Variants in EPC1 observed in about 807,000 individuals in gnomAD.
EPC1 encodes the protein enhancer of polycomb homolog 1.
Under a neutral mutation model 98.4 loss-of-function variants are expected in EPC1, and 12 were observed. That is an observed-to-expected ratio of 0.12 (90% CI 0.08 to 0.20). The LOEUF is 0.20. EPC1 is among the 10% of genes least tolerant of loss of function. The probability of loss-of-function intolerance (pLI) is 1.00; values close to 1 mark genes in which losing one functional copy is unlikely to be tolerated. For missense variants in EPC1, 729 were observed against 990.5 expected (o/e 0.74, Z 3.54); for synonymous variants, 357 against 363.9 (o/e 0.98, Z 0.21).
chr10:32,352,042 A>ATTTT (rs35657158), upstream of EPC1, among the ~76,000 whole-genome samples: 1 of 93,454 alleles, frequency 1.1e-5, no homozygotes, highest in African/African-American at 4.2e-5. Flanking sequence ...AGCCATATTG[A>ATTTT]TTTTTTTTTT....
intron 1 of EPC1, among the ~76,000 whole-genome samples, chr10:32,311,123 AC>A (rs1836193019): frequency 6.6e-6 from 1 of 152,230 alleles, no homozygotes; most frequent in African/African-American, 2.4e-5. Context: ...ATCCTGGCTA[AC>A]ACGGTGAAAC....
chr10:32,301,239 C>G (rs1403748605), intron 2 of EPC1, among the ~76,000 whole-genome samples: 1 of 152,058 alleles, frequency 6.6e-6, no homozygotes, highest in Non-Finnish European at 1.5e-5. Context: ...TGTGCAGGAT[C>G]TGTATAATGA....
In EPC1 at chr10:32,331,839, G is replaced by A. The variant is rs998553985; in HGVS notation, c.153+14924C>T. On this transcript the variant is annotated intron_variant, in intron 1 of 13. Transcript: ENST00000319778. ...ATGATGTACAAGTAGCCTAAGCACA[G>A]CATTTCACAAAACATTTTGGGGGAG... is the stretch of plus-strand genomic sequence containing the variant. Among the ~76,000 whole-genome samples the A allele has an allele frequency of 4.6e-5, 7 of 152,308 alleles. No homozygotes were observed. The South Asian group carries it at 1.5e-3, about 32-fold the overall frequency.
chr10:32,276,076 A>G (rs542517270), intron 10 of EPC1, among the ~76,000 whole-genome samples: 2 of 152,354 alleles, frequency 1.3e-5, no homozygotes, highest in South Asian at 4.1e-4. Context: ...TGCACAGAGC[A>G]ACCCTTAAGC....
chr10:32,312,095 G>A (rs1464957660), intron 1 of EPC1, among the ~76,000 whole-genome samples: 1 of 152,208 alleles, frequency 6.6e-6, no homozygotes, highest in East Asian at 1.9e-4. Flanking sequence ...CTGAGACGAG[G>A]AGACCACACA....
At chr10:32,368,728 C>T (rs2505362) in intron 1 of EPC1, among the ~76,000 whole-genome samples, 2 of 151,926 alleles carry the variant, frequency 1.3e-5, no homozygotes, top group South Asian at 2.1e-4. Context: ...CACCTGAATG[C>T]GGTAATCTTT....
chr10:32,360,529 G>A (rs1352675987), intron 1 of EPC1, among the ~76,000 whole-genome samples: 1 of 152,168 alleles, frequency 6.6e-6, no homozygotes, highest in African/African-American at 2.4e-5. Flanking sequence ...AAGGAACACG[G>A]GTTTCCATAT....
chr10:32,298,186 T>C (rs565539468), intron 2 of EPC1, among the ~76,000 whole-genome samples: 90 of 152,292 alleles, frequency 5.9e-4, no homozygotes, highest in African/African-American at 2.1e-3. Flanking sequence ...GTGGGAAGTA[T>C]TTGACATCTT....
Position 32,285,031 on chromosome 10 carries a change from G to A in EPC1, c.1411C>T (p.His471Tyr), listed in dbSNP as rs773279472. 6.8e-6 allele frequency: 11 copies of A among 1,613,838 alleles called. No individual in the cohort carries two copies. Among genetic ancestry groups the A allele is most frequent in the East Asian group, 2.2e-5 (1 of 44,892 alleles). Residue 471 changes from histidine to tyrosine, a missense_variant, in exon 10 of 14, where the codon CAT (histidine) becomes TAT (tyrosine). Physicochemically the swap from His to Tyr is moderately conservative, Grantham distance 83. Transcript: ENST00000319778. Reference protein sequence around the residue: ...RGGRVLLDRAHSDYDSVFHHL... With the variant: ...RGGRVLLDRAYSDYDSVFHHL... ...TGAAACACACTGTCATAGTCTGAAT[G>A]AGCTCTGTCCAGTAAGACCCTATTA...
intron 1 of EPC1, among the ~76,000 whole-genome samples, chr10:32,371,317 T>C (rs1363953356): frequency 6.6e-6 from 1 of 152,140 alleles, no homozygotes; most frequent in Admixed American, 6.6e-5. Flanking sequence ...ATATAGGTCA[T>C]TGGCATGGCA....
intron 1 of EPC1, chr10:32,345,249 G>A: frequency 1.0e-6 from 1 of 985,378 alleles, no homozygotes; most frequent in Non-Finnish European, 1.2e-6. Context: ...GAAAGTCAGT[G>A]CCCAACTAGA....
chr10:32,365,899 C>T (rs1304184935), intron 1 of EPC1, among the ~76,000 whole-genome samples: 2 of 139,640 alleles, frequency 1.4e-5, no homozygotes, highest in Admixed American at 1.5e-4. Context: ...TTTGGGGGGC[C>T]GAGATGGGTG....
intron 1 of EPC1, chr10:32,345,625 T>C (rs1838720282): frequency 2.0e-6 from 2 of 985,404 alleles, no homozygotes; most frequent in Non-Finnish European, 2.4e-6. Context: ...GTCAAGGATC[T>C]GGGGGAAATG....
In EPC1 at chr10:32,268,874, A is replaced by T. The variant is rs1241040053; in HGVS notation, c.*189T>A. The T allele has an allele frequency of 5.5e-6, 3 of 548,026 alleles. No homozygotes were observed. Among genetic ancestry groups the T allele is most frequent in the Non-Finnish European group, 3.3e-6 (1 of 306,430 alleles). 33.9% of individuals were successfully genotyped at this position (548,026 alleles called of 1,614,324 possible). On this transcript the variant is annotated 3_prime_UTR_variant, in exon 14 of 14. Coordinates refer to ENST00000319778, the MANE Select transcript of EPC1 (RefSeq NM_001272004.3). ...GATAATTGCTGTATTCTTAATTTAC[A>T]GATGTTGATTTTTTTCCTATTAACA...
intron 1 of EPC1, among the ~76,000 whole-genome samples, chr10:32,336,308 T>G (rs1363274658): frequency 4.0e-5 from 2 of 49,902 alleles, no homozygotes; most frequent in Non-Finnish European, 1.2e-4. Context: ...GAGCTCGTGA[T>G]CCACCTGCCT....
chr10:32,329,261 A>G (rs548765340), intron 1 of EPC1, among the ~76,000 whole-genome samples: 11 of 152,322 alleles, frequency 7.2e-5, no homozygotes, highest in Admixed American at 2.0e-4. Context: ...TGCAGTGTAC[A>G]CAATGTTCAG....
At chr10:32,276,036 G>A (rs1751482961) in intron 10 of EPC1, among the ~76,000 whole-genome samples, 1 of 152,080 alleles carries the variant, frequency 6.6e-6, no homozygotes, top group Non-Finnish European at 1.5e-5. Flanking sequence ...AATTTTTCCT[G>A]GACACTTTTG....
At chr10:32,348,877 A>G (rs560310871), upstream of EPC1, among the ~76,000 whole-genome samples, 1 of 152,318 alleles carries the variant, frequency 6.6e-6, no homozygotes, top group South Asian at 2.1e-4. Flanking sequence ...GAGTAGTTCT[A>G]ATGAAGTAGC....
chr10:32,364,299 G>T (rs1839536124), intron 1 of EPC1, among the ~76,000 whole-genome samples: 1 of 152,000 alleles, frequency 6.6e-6, no homozygotes, highest in Non-Finnish European at 1.5e-5. Flanking sequence ...CTCCCAAAGT[G>T]CTGGGCTTAC....
Sources: allele counts gnomAD v4.1 joint callset (sites outside exome capture counted in the v4.1 genomes callset), GRCh38; gene constraint gnomAD v4.1.1; transcripts MANE v1.5; gene names NCBI Gene and HGNC (gene_info 2026-07-23, HGNC 2026-07-21).